MARVELD2: variants seen among roughly 807,000 people sequenced by gnomAD.
MARVELD2 encodes MARVEL domain containing 2.
MARVELD2 carries 49 observed loss-of-function variants against 57.6 expected under a neutral mutation model. The ratio of observed to expected loss-of-function variants is 0.85; its 90% CI spans 0.68 to 1.08. MARVELD2 has a LOEUF of 1.08. MARVELD2 is among the 50% of genes least tolerant of loss of function. The probability of loss-of-function intolerance (pLI) is 0.00; values close to 1 mark genes in which losing one functional copy is unlikely to be tolerated. For missense variants in MARVELD2, 606 were observed against 701.1 expected (o/e 0.86, Z 1.53); for synonymous variants, 238 against 258.8 (o/e 0.92, Z 0.77).
At chr5:69,424,705 T>A in intron 3 of MARVELD2, 69 bp downstream of exon 3, 1 of 1,198,588 alleles carries the variant, frequency 8.3e-7, no homozygotes, top group Non-Finnish European at 1.2e-6. Flanking sequence ...TCTGTTTATC[T>A]ACATAGTAGT....
chr5:69,416,488 C>T (rs1766428321), intron 1 of MARVELD2, among the ~76,000 whole-genome samples: 1 of 152,106 alleles, frequency 6.6e-6, no homozygotes, highest in East Asian at 1.9e-4. Context: ...GGATTTTTAA[C>T]GCATCTGAAA....
intron 2 of MARVELD2, among the ~76,000 whole-genome samples, chr5:69,421,920 A>G (rs372823162): frequency 2.0e-5 from 3 of 151,780 alleles, no homozygotes; most frequent in South Asian, 4.2e-4. Context: ...ATAAATTGTG[A>G]AGATTTCATG....
rs189626621 is a variant in MARVELD2, at chr5:69,426,194, C to G, written c.1182+1558C>G. 5.2e-3 allele frequency among the ~76,000 whole-genome samples: 792 copies of G among 151,580 alleles called. 8 individuals carry two copies. Among genetic ancestry groups the G allele is most frequent in the African/African-American group, 0.018 (761 of 41,386 alleles). ...ATTGCAATAATAATAATTCATACCT[C>G]GCAAGTTTGCTGAGAGGACTCAGTG... On this transcript the variant is annotated intron_variant, in intron 3 of 6. Coordinates refer to ENST00000325631, the MANE Select transcript of MARVELD2 (RefSeq NM_001038603.3).
At chr5:69,431,743 A>T (rs1198893029) in intron 3 of MARVELD2, among the ~76,000 whole-genome samples, 2 of 151,810 alleles carry the variant, frequency 1.3e-5, no homozygotes, top group African/African-American at 4.8e-5. Context: ...CTTTGTGACT[A>T]TAAAACATAT....
At chr5:69,432,062 G>C (rs1016303481) in intron 3 of MARVELD2, among the ~76,000 whole-genome samples, 23 of 151,586 alleles carry the variant, frequency 1.5e-4, no homozygotes, top group African/African-American at 5.3e-4. Context: ...CCAAGCTGGA[G>C]TGCAGTGGTA....
chr5:69,433,354 G>A (rs1042990281), intron 5 of MARVELD2, among the ~76,000 whole-genome samples: 6 of 151,512 alleles, frequency 4.0e-5, no homozygotes, highest in East Asian at 3.9e-4. Context: ...TAGTGGAGAC[G>A]CGGTTTTGCC....
chr5:69,417,092 C>T (rs1009884407), intron 1 of MARVELD2, among the ~76,000 whole-genome samples: 1 of 152,210 alleles, frequency 6.6e-6, no homozygotes, highest in Admixed American at 6.5e-5. Context: ...CTTGAACATA[C>T]CAGGCACTCC....
At chr5:69,431,528 A>C (rs1014606420) in intron 3 of MARVELD2, among the ~76,000 whole-genome samples, 1 of 151,992 alleles carries the variant, frequency 6.6e-6, no homozygotes, top group African/African-American at 2.4e-5. Context: ...TTTATCCTTG[A>C]ATTTATTTTG....
rs893495045 is a variant in MARVELD2, at chr5:69,428,240, A to T, written c.1182+3604A>T. 2.3e-4 allele frequency among the ~76,000 whole-genome samples: 9 copies of T among 38,578 alleles called. 4 individuals carry two copies. The highest frequency in any genetic ancestry group is 8.0e-4 in the African/African-American group (9 of 11,190). 25.3% of individuals were successfully genotyped at this position (38,578 alleles called of 152,430 possible). ...ATTTAGGCCGGGCATGGTGGCTCAC[A>T]CCTGTAATCCCAGCATTTTTGGAAG... On this transcript the variant is annotated intron_variant, in intron 3 of 6. Transcript: ENST00000325631.
At chr5:69,436,563 T>C (rs1000474262) in intron 5 of MARVELD2, among the ~76,000 whole-genome samples, 2 of 152,118 alleles carry the variant, frequency 1.3e-5, no homozygotes, top group Non-Finnish European at 2.9e-5. Context: ...AAGCCAAATG[T>C]GTATTACAGT....
Position 69,432,926 on chromosome 5 carries a change from T to C in MARVELD2, c.1336T>C (p.Tyr446His), listed in dbSNP as rs780544955. 6.2e-7 allele frequency: 1 copy of C among 1,614,220 alleles called. No individual in the cohort carries two copies. Among genetic ancestry groups the C allele is most frequent in the Non-Finnish European group, 8.5e-7 (1 of 1,180,038 alleles). Residue 446 changes from tyrosine (Y) to histidine (H), a missense_variant, in exon 5 of 7, where the codon TAC becomes CAC. Transcript: ENST00000325631. The stretch of plus-strand genomic sequence containing the variant: ...TGGCTTATGTTTTTCCCCTAGAAAA[T>C]ACCCTGTGATTCAGACAGATGATGA... ...PIVMPDYVAKYPVIQTDDERE... is the reference protein window; with the variant it reads ...PIVMPDYVAKHPVIQTDDERE...
chr5:69,439,708 C>T (rs1266167534), intron 5 of MARVELD2, among the ~76,000 whole-genome samples: 2 of 151,706 alleles, frequency 1.3e-5, no homozygotes, highest in Non-Finnish European at 2.9e-5. Flanking sequence ...GAGCTGAGAT[C>T]ACGCCACTGT....
chr5:69,435,909 C>T (rs1256917445), intron 5 of MARVELD2, among the ~76,000 whole-genome samples: 1 of 152,006 alleles, frequency 6.6e-6, no homozygotes, highest in Non-Finnish European at 1.5e-5. Flanking sequence ...TTGTGTCTGG[C>T]TTCTTCATTT....
chr5:69,429,161 G>C (rs1315885375), intron 3 of MARVELD2, among the ~76,000 whole-genome samples: 4 of 152,082 alleles, frequency 2.6e-5, no homozygotes, highest in Non-Finnish European at 5.9e-5. Context: ...TCTGGCTTCT[G>C]TCCCACCTAG....
At chr5:69,428,023 A>G (rs1766848907) in intron 3 of MARVELD2, among the ~76,000 whole-genome samples, 1 of 151,822 alleles carries the variant, frequency 6.6e-6, no homozygotes, top group Non-Finnish European at 1.5e-5. Context: ...GAGGCAGGAG[A>G]GTGGCTTGAA....
At chr5:69,422,331 T>C (rs1766654649) in intron 2 of MARVELD2, among the ~76,000 whole-genome samples, 1 of 152,188 alleles carries the variant, frequency 6.6e-6, no homozygotes, top group East Asian at 1.9e-4. Flanking sequence ...AGGAGAAATA[T>C]CGCTGAATTC....
chr5:69,432,001 C>T (rs769367913), intron 3 of MARVELD2, among the ~76,000 whole-genome samples: 41 of 151,312 alleles, frequency 2.7e-4, no homozygotes, highest in Non-Finnish European at 3.5e-4. Context: ...AGACACACAC[C>T]GCTGCATCTG....
At chr5:69,439,213 T>A (rs985691026) in intron 5 of MARVELD2, among the ~76,000 whole-genome samples, 14 of 151,940 alleles carry the variant, frequency 9.2e-5, no homozygotes, top group African/African-American at 3.4e-4. Context: ...CAGGCTGGAG[T>A]GCAGTGGCGT....
chr5:69,436,539 G>C (rs998352814), intron 5 of MARVELD2, among the ~76,000 whole-genome samples: 1 of 150,164 alleles, frequency 6.7e-6, no homozygotes, highest in Non-Finnish European at 1.5e-5. Context: ...ATCACTTATC[G>C]TTATGAGTTA....
Sources: gnomAD v4.1 joint callset for allele counts (sites outside exome capture counted in the v4.1 genomes callset) on GRCh38, gnomAD v4.1.1 for gene constraint, MANE v1.5 for transcripts, NCBI Gene and HGNC (gene_info 2026-07-23, HGNC 2026-07-21) for gene names.